CDC42BPA: variants seen among roughly 807,000 people sequenced by gnomAD.
CDC42BPA encodes the protein serine/threonine-protein kinase MRCK alpha.
In CDC42BPA, 80 loss-of-function variants were observed where a neutral mutation model predicts 223.5. The ratio of observed to expected loss-of-function variants is 0.36; its 90% confidence interval spans 0.30 to 0.43. The LOEUF (loss-of-function observed/expected upper bound fraction) is 0.43. Ranked by LOEUF, CDC42BPA falls within the 20% of genes least tolerant of loss-of-function variation. The pLI, the probability that CDC42BPA is intolerant of heterozygous loss-of-function variation, is 1.00. For synonymous variants in CDC42BPA, 694 were observed against 718.6 expected (o/e 0.97, Z 0.55); for missense variants, 1,743 against 2,099.9 (o/e 0.83, Z 3.32).
chr1:227,220,323 CACACAT>C (rs1675663777), intron 2 of CDC42BPA, among the ~76,000 whole-genome samples: 3 of 133,404 alleles, frequency 2.2e-5, no homozygotes, highest in Admixed American at 7.8e-5. Flanking sequence ...CACACACACA[CACACAT>C]ACATATATGG....
intron 3 of CDC42BPA, among the ~76,000 whole-genome samples, chr1:227,204,204 A>G (rs1402444379): frequency 6.6e-6 from 1 of 152,226 alleles, no homozygotes; most frequent in South Asian, 2.1e-4. Flanking sequence ...AATTCCAAGT[A>G]TTACCATGGC....
chr1:227,076,593 T>C (rs1679537724), intron 17 of CDC42BPA, among the ~76,000 whole-genome samples: 1 of 152,248 alleles, frequency 6.6e-6, no homozygotes, highest in South Asian at 2.1e-4. Context: ...GTAGGCCATT[T>C]GGTTAAGTTT....
intron 11 of CDC42BPA, among the ~76,000 whole-genome samples, chr1:227,128,157 T>C (rs898584725): frequency 6.6e-6 from 1 of 152,152 alleles, no homozygotes; most frequent in Non-Finnish European, 1.5e-5. Flanking sequence ...CATCCAGTAC[T>C]CTCTGTTTTA....
chr1:227,297,967 T>TATATACACACACACACACACAC (rs369403944), intron 1 of CDC42BPA, among the ~76,000 whole-genome samples: 1 of 132,082 alleles, frequency 7.6e-6, no homozygotes, highest in African/African-American at 2.9e-5. Flanking sequence ...TATATACATA[T>TATATACACACACACACACACAC]ACACACACAC....
chr1:227,245,739 G>C lies in CDC42BPA; in HGVS notation c.270+8325C>G, dbSNP rs1383182408. ...AAAAGGGAACCGGCTGCCTTGAAGA[G>C]AAGGATCCAGTCCTGGCAGGACTCA... On this transcript the variant is annotated intron_variant, in intron 2 of 36. Coordinates refer to ENST00000366766, the MANE Select transcript of CDC42BPA (RefSeq NM_001394014.1). Among the ~76,000 whole-genome samples, 3 of 152,206 alleles carry C rather than the reference G, an allele frequency of 2.0e-5. No homozygotes were observed. In the East Asian group the frequency reaches 5.8e-4, roughly 29 times the overall value.
chr1:227,313,005 T>TA (rs767206270), intron 1 of CDC42BPA, among the ~76,000 whole-genome samples: 2 of 152,158 alleles, frequency 1.3e-5, no homozygotes, highest in Non-Finnish European at 2.9e-5. Context: ...CTTTTCTCTA[T>TA]AAATTACTCA....
intron 34 of CDC42BPA, 142 bp downstream of exon 34, chr1:227,015,938 T>A (rs1052345420): frequency 1.6e-6 from 1 of 613,012 alleles, no homozygotes; most frequent in African/African-American, 1.9e-5. Flanking sequence ...ATCATGTATC[T>A]TAGACATATT....
intron 28 of CDC42BPA, among the ~76,000 whole-genome samples, chr1:227,030,966 C>A (rs1313794241): frequency 6.6e-6 from 1 of 152,076 alleles, no homozygotes; most frequent in Non-Finnish European, 1.5e-5. Context: ...ATAACCTCAG[C>A]AAGGTAATTA....
chr1:227,133,095 A>G (rs572697837), intron 10 of CDC42BPA, among the ~76,000 whole-genome samples: 937 of 66,556 alleles, frequency 0.014, 7 homozygotes, highest in Non-Finnish European at 0.022. Context: ...TGGGGGGGTC[A>G]GCCCCCCGCC....
At chr1:227,050,119 G>T (rs1212671011) in intron 22 of CDC42BPA, among the ~76,000 whole-genome samples, 1 of 152,024 alleles carries the variant, frequency 6.6e-6, no homozygotes, top group Admixed American at 6.6e-5. Context: ...AGCTAGCAAA[G>T]AATTAGTATC....
chr1:227,036,708 CG>C (rs1205600549), intron 24 of CDC42BPA, among the ~76,000 whole-genome samples: 1 of 146,906 alleles, frequency 6.8e-6, no homozygotes, highest in African/African-American at 2.6e-5. Flanking sequence ...AGATTACAGG[CG>C]TTGAGCCACC....
chr1:227,220,282 T>TTATATATATA lies in CDC42BPA; in HGVS notation c.271-7073_271-7064dup, dbSNP rs368690606. Among the ~76,000 whole-genome samples, 166 of 100,712 alleles carry TTATATATATA rather than the reference T, an allele frequency of 1.6e-3. 1 individual carries two copies. Among genetic ancestry groups the TTATATATATA allele is most frequent in the East Asian group, 0.015 (48 of 3,270 alleles). 66.1% of individuals were successfully genotyped at this position (100,712 alleles called of 152,430 possible). ...GTCTCTTTAATGAAAAAAAGTCATGTTATATATATATATATATATATATAT... is the reference window on the plus strand; with the variant it reads ...GTCTCTTTAATGAAAAAAAGTCATGTTATATATATATATATATATATATATATATATATAT... On this transcript the variant is annotated intron_variant, in intron 2 of 36. Transcript: ENST00000366766.
chr1:227,008,860 G>C (rs1243447324), intron 34 of CDC42BPA, among the ~76,000 whole-genome samples: 7 of 144,736 alleles, frequency 4.8e-5, no homozygotes, highest in African/African-American at 1.7e-4. Flanking sequence ...GTTATTTAAA[G>C]CAAATGCTTT....
At chr1:227,055,223 T>C (rs960937171) in intron 21 of CDC42BPA, among the ~76,000 whole-genome samples, 1 of 152,020 alleles carries the variant, frequency 6.6e-6, no homozygotes, top group Non-Finnish European at 1.5e-5. Context: ...GCTAATAACA[T>C]TAATAGATTT....
chr1:227,109,644 G>T (rs1462206819), intron 14 of CDC42BPA, among the ~76,000 whole-genome samples: 2 of 152,046 alleles, frequency 1.3e-5, no homozygotes, highest in East Asian at 1.9e-4. Context: ...GGGATTACAG[G>T]TGTGAGCCAC....
intron 4 of CDC42BPA, among the ~76,000 whole-genome samples, chr1:227,196,109 A>C (rs1408794403): frequency 6.6e-6 from 1 of 151,542 alleles, no homozygotes; most frequent in East Asian, 1.9e-4. Flanking sequence ...TTTTTAAAAG[A>C]GCTCCAGTCC....
At chr1:227,104,705 G>A (rs1302306456) in intron 14 of CDC42BPA, among the ~76,000 whole-genome samples, 1 of 152,112 alleles carries the variant, frequency 6.6e-6, no homozygotes, top group Non-Finnish European at 1.5e-5. Context: ...AATTCATTAA[G>A]ACTGCGTCCT....
chr1:227,189,911 AT>A (rs1408945960), intron 5 of CDC42BPA, among the ~76,000 whole-genome samples: 1 of 152,174 alleles, frequency 6.6e-6, no homozygotes, highest in Non-Finnish European at 1.5e-5. Flanking sequence ...TGGAAATTTG[AT>A]AAATTTCATA....
At chr1:227,054,893 A>C (rs1674244014) in intron 21 of CDC42BPA, among the ~76,000 whole-genome samples, 1 of 152,058 alleles carries the variant, frequency 6.6e-6, no homozygotes, top group Non-Finnish European at 1.5e-5. Flanking sequence ...ATACTCTTAA[A>C]TAAAAATCAA....
Sources: gnomAD v4.1 joint callset for allele counts (sites outside exome capture counted in the v4.1 genomes callset) on GRCh38, gnomAD v4.1.1 for gene constraint, MANE v1.5 for transcripts, NCBI Gene and HGNC (gene_info 2026-07-23, HGNC 2026-07-21) for gene names.